Variants in MCF2L observed in about 807,000 individuals in gnomAD.
The protein encoded by MCF2L is guanine nucleotide exchange factor DBS.
In MCF2L, 97 loss-of-function variants were observed where a neutral mutation model predicts 153.4. That is an observed-to-expected ratio of 0.63 (90% confidence interval 0.54 to 0.75). MCF2L has a LOEUF of 0.75. Ranked by LOEUF, MCF2L falls within the 30% of genes least tolerant of loss-of-function variation. The pLI, the probability that MCF2L is intolerant of heterozygous loss-of-function variation, is 0.00. For synonymous variants in MCF2L, 659 were observed against 632.2 expected (o/e 1.04, Z -0.64); for missense variants, 1,347 against 1,495.2 (o/e 0.90, Z 1.64).
rs115882674 is a variant in MCF2L, at chr13:112,959,379, G to A, written c.170-55384G>A. Among the ~76,000 whole-genome samples the A allele has an allele frequency of 2.4e-3, 371 of 152,072 alleles. 1 individual carries two copies. The highest frequency in any genetic ancestry group is 8.7e-3 in the African/African-American group (363 of 41,498). On this transcript the variant is annotated intron_variant, in intron 2 of 29. Transcript: ENST00000375608. ...TCTCGGACATGGTGTGACATCAGTG[G>A]GTCCTTTGTTTCAGAACAAGCGCGT... is the stretch of plus-strand genomic sequence containing the variant.
chr13:113,088,807 T>C (rs1365039443), intron 25 of MCF2L, among the ~76,000 whole-genome samples, 179 bp downstream of exon 25: 2 of 152,232 alleles, frequency 1.3e-5, no homozygotes, highest in Non-Finnish European at 2.9e-5. Context: ...CACAGATGTG[T>C]GCCTCCGACA....
chr13:112,980,887 C>G (rs1263696608), intron 1 of MCF2L, among the ~76,000 whole-genome samples: 1 of 152,228 alleles, frequency 6.6e-6, no homozygotes, highest in African/African-American at 2.4e-5. Flanking sequence ...TCCATTCACG[C>G]CCCACCACCC....
intron 4 of MCF2L, among the ~76,000 whole-genome samples, chr13:113,049,074 G>A (rs2087029060): frequency 6.6e-6 from 1 of 150,984 alleles, no homozygotes; most frequent in South Asian, 2.1e-4. Context: ...TTTGGTGCAG[G>A]AGGGGCATGA....
chr13:113,056,595 T>A (rs1048056300), intron 4 of MCF2L, among the ~76,000 whole-genome samples: 3 of 144,826 alleles, frequency 2.1e-5, no homozygotes, highest in Non-Finnish European at 4.5e-5. Context: ...GTTTGGGTGC[T>A]GAGTGTTTTG....
At chr13:113,001,766 G>A in intron 1 of MCF2L, 2 of 1,375,198 alleles carry the variant, frequency 1.5e-6, no homozygotes, top group African/African-American at 1.5e-5. Context: ...CTGCCCTGCA[G>A]AGGCCAGGTC....
chr13:113,092,696 T>C (rs1359733739), intron 26 of MCF2L, among the ~76,000 whole-genome samples: 1 of 152,364 alleles, frequency 6.6e-6, no homozygotes, highest in East Asian at 1.9e-4. Context: ...CCCCAGCTCC[T>C]GGTGCAGCAG....
At chr13:112,984,124 G>T (rs1423916466) in intron 1 of MCF2L, among the ~76,000 whole-genome samples, 1 of 152,220 alleles carries the variant, frequency 6.6e-6, no homozygotes, top group African/African-American at 2.4e-5. Flanking sequence ...CAGCACCCTC[G>T]CCGGGTGCCG....
intron 8 of MCF2L, 61 bp from the exon 9 acceptor site, chr13:113,069,998 C>T (rs1285435634): frequency 1.7e-5 from 20 of 1,201,018 alleles, no homozygotes; most frequent in Admixed American, 4.1e-5. Flanking sequence ...ACACCCACCG[C>T]GCTCCACGTT....
intron 1 of MCF2L, chr13:112,979,165 C>A (rs749699192): frequency 3.0e-5 from 7 of 235,504 alleles, no homozygotes; most frequent in Non-Finnish European, 4.2e-5. Context: ...GGACAGCCAG[C>A]AGCACGTCCC....
rs1488444696 is a variant in MCF2L at position 113,031,046 on chromosome 13, CAGACAGATACAGACAGAG to C, written c.278+6296_278+6313del. ...AGAAAGAGAGACAGAGAGACAGAGACAGACAGATACAGACAGAGAGACAGAGACAGACAGATACAGACA... is the reference window on the plus strand; with the variant it reads ...AGAAAGAGAGACAGAGAGACAGAGACAGACAGAGACAGACAGATACAGACA... On this transcript the variant is annotated intron_variant, in intron 3 of 29. Transcript: ENST00000535094. This position sits in a 1 kb window ranked among gnomAD's most constrained non-coding sequence, Gnocchi z 5.5. Among the ~76,000 whole-genome samples, 1 of 69,742 alleles carries C rather than the reference CAGACAGATACAGACAGAG, an allele frequency of 1.4e-5. No individual in the cohort carries two copies. The highest frequency in any genetic ancestry group is 8.8e-5 in the African/African-American group (1 of 11,416). 45.8% of individuals were successfully genotyped at this position (69,742 alleles called of 152,430 possible). A position where few individuals can be genotyped will look rare whatever the true frequency, so the allele number is the denominator to read the frequency against.
At position 112,904,707 on chromosome 13, in the gene MCF2L, C is replaced by T. The variant is rs146139932; in HGVS notation, c.169+2336C>T. On this transcript the variant is annotated intron_variant, in intron 2 of 29. Coordinates refer to the MCF2L transcript ENST00000375608. The surrounding 1 kb of genome is among the most constrained non-coding windows in gnomAD (Gnocchi z 4.2). ...GAAGCCCTTCTGGCTGTCCTTGCCTCGTCTGCTCTGTGGAAAGAGAAGCGC... is the reference window on the plus strand; with the variant it reads ...GAAGCCCTTCTGGCTGTCCTTGCCTTGTCTGCTCTGTGGAAAGAGAAGCGC... Among the ~76,000 whole-genome samples the T allele has an allele frequency of 4.4e-4, 67 of 152,352 alleles. No homozygotes were observed. The East Asian group carries it at 6.8e-3, about 15-fold the overall frequency.
chr13:113,036,708 G>C (rs1406615150), intron 3 of MCF2L, among the ~76,000 whole-genome samples: 1 of 150,750 alleles, frequency 6.6e-6, no homozygotes, highest in Admixed American at 6.6e-5. Context: ...CTTTCTTCAG[G>C]TGTCTGCGAT....
intron 1 of MCF2L, chr13:112,894,461 C>A (rs2081045926): frequency 6.6e-6 from 1 of 151,116 alleles, no homozygotes; most frequent in Non-Finnish European, 1.5e-5. Flanking sequence ...CTGGAGGGGG[C>A]GCGGGGGTGA....
intron 3 of MCF2L, chr13:113,043,569 G>T (rs1302072979): frequency 2.6e-5 from 4 of 152,200 alleles, no homozygotes; most frequent in African/African-American, 9.7e-5. Flanking sequence ...GTAACTTTGT[G>T]CCTCTCCCAA....
chr13:112,898,976 C>T (rs1013965957), intron 1 of MCF2L, among the ~76,000 whole-genome samples: 4 of 152,210 alleles, frequency 2.6e-5, no homozygotes, highest in Non-Finnish European at 5.9e-5. Flanking sequence ...CCGGGCAGGG[C>T]CCCCTCCCCC....
chr13:112,917,289 A>G (rs2081303868), intron 2 of MCF2L: 4 of 421,018 alleles, frequency 9.5e-6, no homozygotes, highest in Admixed American at 5.2e-5. Flanking sequence ...TCCATCCACC[A>G]TAGTTCACTG....
chr13:113,037,140 G>A (rs535187300), intron 3 of MCF2L, among the ~76,000 whole-genome samples: 15 of 152,296 alleles, frequency 9.8e-5, no homozygotes, highest in South Asian at 2.1e-4. Flanking sequence ...ACAGCCTGCC[G>A]TGTTCTTGGC....
Position 113,065,036 on chromosome 13 carries a change from C to T in MCF2L, c.707C>T (p.Ser236Leu), listed in dbSNP as rs374362212. ...ACAGAGCTGCCCAATGACGTCCAGT[C>T]GACAAGCTCAGTGCTGTGTGCGCAC... is the stretch of plus-strand genomic sequence containing the variant. ...AETELPNDVQSTSSVLCAHTE... is the reference protein window; with the variant it reads ...AETELPNDVQLTSSVLCAHTE... The change falls in exon 7 of 30, where the codon TCG becomes TTG. Residue 236 changes from serine (S) to leucine (L), a missense_variant. Coordinates refer to ENST00000535094, the MANE Select transcript of MCF2L (RefSeq NM_001112732.3). The T allele has an allele frequency of 1.5e-5, 24 of 1,611,626 alleles. No homozygotes were observed. The African/African-American group carries it at 2.4e-4, about 16-fold the overall frequency.
At chr13:112,959,509 A>G (rs2317136) in intron 2 of MCF2L, among the ~76,000 whole-genome samples, 1 of 151,782 alleles carries the variant, frequency 6.6e-6, no homozygotes, top group Admixed American at 6.6e-5. Flanking sequence ...GTGAGGGAGG[A>G]GGGTCATCCT....
Sources: gnomAD v4.1 joint callset for allele counts (sites outside exome capture counted in the v4.1 genomes callset) on GRCh38, gnomAD v4.1.1 for gene constraint, Gnocchi (gnomAD v3.1) non-coding constraint, MANE v1.5 for transcripts, NCBI Gene and HGNC (gene_info 2026-07-23, HGNC 2026-07-21) for gene names.